The following KIAA0408 variants were observed in gnomAD, a reference collection of about 807,000 sequenced individuals.
KIAA0408 encodes the protein KIAA0408, also known as uncharacterized protein KIAA0408.
Under a neutral mutation model 60.9 loss-of-function variants are expected in KIAA0408, and 51 were observed. That is an observed-to-expected ratio of 0.84 (90% confidence interval 0.67 to 1.06). The LOEUF (loss-of-function observed/expected upper bound fraction) is 1.06. Ranked by LOEUF, KIAA0408 falls within the 50% of genes least tolerant of loss-of-function variation. The pLI, the probability that KIAA0408 is intolerant of heterozygous loss-of-function variation, is 0.00. For missense variants in KIAA0408, 787 were observed against 833.9 expected (o/e 0.94, Z 0.69); for synonymous variants, 304 against 282.4 (o/e 1.08, Z -0.77).
In KIAA0408 at chr6:127,453,856, T is replaced by G. The variant is rs1010972502; in HGVS notation, c.126A>C (p.Lys42Asn). 3 of 1,612,278 alleles carry G rather than the reference T, an allele frequency of 1.9e-6. No individual in the cohort carries two copies. Among genetic ancestry groups the G allele is most frequent in the Non-Finnish European group, 2.5e-6 (3 of 1,178,886 alleles). The part of the protein sequence containing the change: ...WESQWKIMQK[K>N]IEELCREVKL... Reference sequence around the variant, plus strand: ...ACAAATTAAAGTGTACCTCTTCTATTTTCTTCTGCATAATCTTCCATTGAC... The same window carrying G: ...ACAAATTAAAGTGTACCTCTTCTATGTTCTTCTGCATAATCTTCCATTGAC... The change falls in exon 2 of 6, where the codon AAA (lysine) becomes AAC (asparagine). Residue 42 changes from lysine to asparagine, a missense_variant. By Grantham distance (94) the Lys-to-Asn change is moderately conservative. Around this residue, in one of 3 missense-constraint regions of KIAA0408, gnomAD observed 640 missense variants for 681.3 expected, o/e 0.94. Transcript: ENST00000483725.
At position 127,442,008 on chromosome 6, in the gene KIAA0408, A is replaced by G. The variant is rs1773114870; in HGVS notation, c.*2101T>C. 6.6e-6 allele frequency: 1 copy of G among 152,248 alleles called. No homozygotes were observed. 9.4% of individuals were successfully genotyped at this position (152,248 alleles called of 1,614,324 possible). A position where few individuals can be genotyped will look rare whatever the true frequency, so the allele number is the denominator to read the frequency against. The stretch of plus-strand genomic sequence containing the variant: ...CAGATAACAAAGGCAAGTCCTAGGA[A>G]GAAAAGTGACCACCCAAGGGCATCC... On this transcript the variant is annotated 3_prime_UTR_variant, in exon 6 of 6. Coordinates refer to ENST00000483725, the MANE Select transcript of KIAA0408 (RefSeq NM_014702.5).
chr6:127,452,981 A>G (rs139934415), intron 2 of KIAA0408, among the ~76,000 whole-genome samples: 2 of 152,094 alleles, frequency 1.3e-5, no homozygotes, highest in Non-Finnish European at 2.9e-5. Flanking sequence ...TTTTATTCAC[A>G]GTCAATTACA....
chr6:127,454,900 C>G (rs986783754), intron 1 of KIAA0408, among the ~76,000 whole-genome samples: 1 of 151,944 alleles, frequency 6.6e-6, no homozygotes. Context: ...AACTTTCTAG[C>G]CTTCAGGGAC....
At chr6:127,453,311 T>C (rs1181903749) in intron 2 of KIAA0408, among the ~76,000 whole-genome samples, 2 of 152,044 alleles carry the variant, frequency 1.3e-5, no homozygotes, top group South Asian at 2.1e-4. Flanking sequence ...CCAATAAATA[T>C]GCCACTAAAT....
intron 1 of KIAA0408, among the ~76,000 whole-genome samples, chr6:127,457,433 A>C (rs992661592): frequency 6.6e-6 from 1 of 152,226 alleles, no homozygotes; most frequent in Non-Finnish European, 1.5e-5. Flanking sequence ...GATTTCTGCT[A>C]TCTGCATCCC....
At chr6:127,458,707 T>C (rs147246441) in intron 1 of KIAA0408, among the ~76,000 whole-genome samples, 2,209 of 152,254 alleles carry the variant, frequency 0.015, 66 homozygotes, top group African/African-American at 0.051. Context: ...CTACAGTGAG[T>C]CCACCACCAC....
Position 127,446,759 on chromosome 6 carries a change from T to A in KIAA0408, c.1560A>T (p.Leu520=), listed in dbSNP as rs17054687. The change falls in exon 5 of 6, where the codon CTA becomes CTT. Residue 520 remains leucine, a synonymous_variant. Transcript: ENST00000483725. ...DNPTKKSTTG[L]VRQMQGHLSP... Reference sequence around the variant, plus strand: ...TTAGGTGTCCCTGCATTTGTCTTACTAGGCCTGTTGTGGATTTCTTGGTGG... The same window carrying A: ...TTAGGTGTCCCTGCATTTGTCTTACAAGGCCTGTTGTGGATTTCTTGGTGG... 5,194 of 1,613,936 alleles carry A rather than the reference T, an allele frequency of 3.2e-3. 139 individuals are homozygous for A. The African/African-American group carries it at 0.059, about 18-fold the overall frequency.
intron 5 of KIAA0408, 27 bp downstream of exon 5, chr6:127,446,381 C>G (rs753514804): frequency 2.5e-6 from 4 of 1,582,206 alleles, no homozygotes; most frequent in Non-Finnish European, 3.4e-6. Context: ...TGGATGCTAC[C>G]AAATTATGTT....
chr6:127,455,261 A>G (rs12199593), intron 1 of KIAA0408, among the ~76,000 whole-genome samples: 72,371 of 151,936 alleles, frequency 0.48, 18,795 homozygotes, highest in Non-Finnish European at 0.59. Context: ...TCAAAATGCT[A>G]TAACTTACTG....
intron 1 of KIAA0408, among the ~76,000 whole-genome samples, chr6:127,455,182 A>T (rs1773371596): frequency 6.6e-6 from 1 of 152,144 alleles, no homozygotes; most frequent in Non-Finnish European, 1.5e-5. Context: ...GCATGTTTAA[A>T]ATGTTTGAAT....
In KIAA0408 at chr6:127,454,210, C is replaced by G. The variant is rs571440625; in HGVS notation, c.-120-109G>C. 20 of 1,096,252 alleles carry G rather than the reference C, an allele frequency of 1.8e-5. No homozygotes were observed. The South Asian group carries it at 7.4e-4, about 40-fold the overall frequency. 67.9% of individuals were successfully genotyped at this position (1,096,252 alleles called of 1,614,324 possible). On this transcript the variant is annotated intron_variant, in intron 1 of 5. Coordinates refer to ENST00000483725, the MANE Select transcript of KIAA0408 (RefSeq NM_014702.5). ...AAACAAACTATAGGAAAATTGGACT[C>G]AAAAGAAAAGAGATGACAACAGTCT...
rs541857135 is a variant in KIAA0408 at position 127,441,455 on chromosome 6, C to T, written c.*2654G>A. On this transcript the variant is annotated 3_prime_UTR_variant, in exon 6 of 6. Transcript: ENST00000483725. ...ACACAAACTCAAGTACTCCTCTCTG[C>T]CTCATCCTTATTCCTTTCTGAGATC... is the stretch of plus-strand genomic sequence containing the variant. 16 of 152,540 alleles carry T rather than the reference C, an allele frequency of 1.0e-4. No homozygotes were observed. The highest frequency in any genetic ancestry group is 3.9e-4 in the African/African-American group (16 of 41,502). The allele number at this position is 152,540 out of a possible 1,614,324, so 9.4% of individuals were successfully genotyped here. A position where few individuals can be genotyped will look rare whatever the true frequency, so the allele number is the denominator to read the frequency against.
chr6:127,450,195 T>A lies in KIAA0408; in HGVS notation c.293A>T (p.Lys98Ile), dbSNP rs1773277487. ...GQSEFIRTNH[K>I]DGLRKENKRE... ...TTTATTTTCTTTTCTCAGACCATCT[T>A]TGTGATTCGTCCTTATAAATTCACT... The change falls in exon 3 of 6, where the codon AAA becomes ATA. Residue 98 changes from lysine (K) to isoleucine (I), a missense_variant. By Grantham distance (102) the Lys-to-Ile change is moderately radical. Coordinates refer to ENST00000483725, the MANE Select transcript of KIAA0408 (RefSeq NM_014702.5). 1.2e-6 allele frequency: 2 copies of A among 1,613,958 alleles called. No individual in the cohort carries two copies. Among genetic ancestry groups the A allele is most frequent in the Non-Finnish European group, 1.7e-6 (2 of 1,179,976 alleles).
At chr6:127,448,203 T>TAA (rs1773238143) in intron 4 of KIAA0408, among the ~76,000 whole-genome samples, 2 of 152,130 alleles carry the variant, frequency 1.3e-5, no homozygotes, top group South Asian at 4.1e-4. Context: ...CAAATCTGAA[T>TAA]AAAAGTGCAA....
At chr6:127,457,565 C>G (rs1773417742) in intron 1 of KIAA0408, among the ~76,000 whole-genome samples, 1 of 152,132 alleles carries the variant, frequency 6.6e-6, no homozygotes, top group Non-Finnish European at 1.5e-5. Flanking sequence ...AGTCACACAC[C>G]CCAACTCTAA....
Position 127,446,878 on chromosome 6 carries a change from G to C in KIAA0408, c.1441C>G (p.His481Asp), listed in dbSNP as rs1378099302. Residue 481 changes from histidine to aspartate, a missense_variant, in exon 5 of 6, where the codon CAC becomes GAC. Physicochemically the swap from His to Asp is moderately conservative, Grantham distance 81. Coordinates refer to ENST00000483725, the MANE Select transcript of KIAA0408 (RefSeq NM_014702.5). Reference sequence around the variant, plus strand: ...TTACTTTGTGATATGCTACCTGTGTGAGTAGATGAGGTATCACAGGGCTTG... The same window carrying C: ...TTACTTTGTGATATGCTACCTGTGTCAGTAGATGAGGTATCACAGGGCTTG... ...DLKPCDTSSTHTGSISQSNDV... is the reference protein window; with the variant it reads ...DLKPCDTSSTDTGSISQSNDV... 6.2e-7 allele frequency: 1 copy of C among 1,613,900 alleles called. No homozygotes were observed. Among genetic ancestry groups the C allele is most frequent in the African/African-American group, 1.3e-5 (1 of 74,916 alleles).
intron 1 of KIAA0408, among the ~76,000 whole-genome samples, chr6:127,456,787 G>C (rs561069198): frequency 2.8e-4 from 7 of 24,864 alleles, no homozygotes; most frequent in South Asian, 2.4e-3. Context: ...AAAGTGGTGG[G>C]GGGGGGGCAT....
intron 1 of KIAA0408, among the ~76,000 whole-genome samples, chr6:127,456,787 G>A (rs561069198): frequency 1.2e-4 from 3 of 24,864 alleles, no homozygotes; most frequent in Admixed American, 1.0e-3. Flanking sequence ...AAAGTGGTGG[G>A]GGGGGGGCAT....
Position 127,444,094 on chromosome 6 carries a change from A to T in KIAA0408, c.*15T>A, listed in dbSNP as rs774788471. 1 of 1,613,246 alleles carries T rather than the reference A, an allele frequency of 6.2e-7. No homozygotes were observed. The highest frequency in any genetic ancestry group is 8.5e-7 in the Non-Finnish European group (1 of 1,179,434). On this transcript the variant is annotated 3_prime_UTR_variant, in exon 6 of 6. Coordinates refer to ENST00000483725, the MANE Select transcript of KIAA0408 (RefSeq NM_014702.5). ...GGACTAGAACTTCTGTAATATAGCA[A>T]TCCAGGCCAAAGACTTAAACCATCA...
Sources: allele counts gnomAD v4.1 joint callset (sites outside exome capture counted in the v4.1 genomes callset), GRCh38; gene constraint gnomAD v4.1.1; regional missense constraint gnomAD v4.1.1; transcripts MANE v1.5; gene names NCBI Gene and HGNC (gene_info 2026-07-23, HGNC 2026-07-21).